IQCM: variants seen among roughly 807,000 people sequenced by gnomAD.
IQCM encodes the protein IQ domain-containing protein M.
In IQCM, 45 loss-of-function variants were observed where a neutral mutation model predicts 57.6. The ratio of observed to expected loss-of-function variants is 0.78; its 90% CI spans 0.62 to 1.00. The LOEUF is 1.00. IQCM is among the 50% of genes least tolerant of loss of function. The pLI, the probability that IQCM is intolerant of heterozygous loss-of-function variation, is 0.00. For missense variants in IQCM, 468 were observed against 511.6 expected, an observed-to-expected ratio of 0.91 and a Z score of 0.82; for synonymous variants, 148 against 158.9, an observed-to-expected ratio of 0.93 and a Z score of 0.51.
At chr4:149,592,969 A>C (rs1174435847) in intron 8 of IQCM, among the ~76,000 whole-genome samples, 1 of 152,136 alleles carries the variant, frequency 6.6e-6, no homozygotes, top group East Asian at 1.9e-4. Flanking sequence ...TGAACTTTAA[A>C]ATAGTTTTTT....
chr4:149,357,126 C>T (rs1477596018), intron 13 of IQCM, among the ~76,000 whole-genome samples: 1 of 152,154 alleles, frequency 6.6e-6, no homozygotes, highest in Non-Finnish European at 1.5e-5. Flanking sequence ...AGTTGCTTAT[C>T]AGCTTAAGGA....
intron 2 of IQCM, among the ~76,000 whole-genome samples, chr4:149,779,668 C>T (rs1157359151): frequency 6.6e-6 from 1 of 151,946 alleles, no homozygotes; most frequent in Non-Finnish European, 1.5e-5. Flanking sequence ...TCAGATAGAA[C>T]CAGTATTAAA....
intron 12 of IQCM, among the ~76,000 whole-genome samples, chr4:149,480,964 C>T (rs139174197): frequency 5.9e-5 from 9 of 152,142 alleles, no homozygotes; most frequent in African/African-American, 2.2e-4. Flanking sequence ...TGGGGTGAGA[C>T]GATATCTCAT....
chr4:149,556,650 G>A (rs1293844926), intron 10 of IQCM, among the ~76,000 whole-genome samples: 1 of 152,122 alleles, frequency 6.6e-6, no homozygotes, highest in Non-Finnish European at 1.5e-5. Context: ...CCTATACACA[G>A]TGAAATAAAA....
chr4:149,481,701 G>GTTTTGTTTTTTTTTTTTTTTTTTTTTTTT (rs1740817619), intron 12 of IQCM, among the ~76,000 whole-genome samples: 1 of 51,580 alleles, frequency 1.9e-5, no homozygotes, highest in African/African-American at 7.6e-5. Context: ...TTCCAGTTTT[G>GTTTTGTTTTTTTTTTTTTTTTTTTTTTTT]TTTTTTTTTT....
intron 13 of IQCM, among the ~76,000 whole-genome samples, chr4:149,358,848 A>G (rs1729222601): frequency 6.6e-6 from 1 of 151,566 alleles, no homozygotes; most frequent in Non-Finnish European, 1.5e-5. Context: ...AGTGGACAGT[A>G]TATCATGATA....
At chr4:149,504,415 G>T (rs1490888489) in intron 12 of IQCM, among the ~76,000 whole-genome samples, 1 of 152,054 alleles carries the variant, frequency 6.6e-6, no homozygotes, top group Non-Finnish European at 1.5e-5. Flanking sequence ...TCTAAATGGG[G>T]ATACTACAGA....
intron 2 of IQCM, among the ~76,000 whole-genome samples, chr4:149,758,379 AG>A (rs777565652): frequency 6.6e-6 from 1 of 152,212 alleles, no homozygotes; most frequent in Non-Finnish European, 1.5e-5. Flanking sequence ...TAAAACTCCT[AG>A]AAGACAACAG....
chr4:149,662,459 T>C (rs1430853982), intron 7 of IQCM, among the ~76,000 whole-genome samples: 1 of 152,010 alleles, frequency 6.6e-6, no homozygotes, highest in African/African-American at 2.4e-5. Flanking sequence ...TTAAGTCCAA[T>C]GTTTCTTTAT....
intron 12 of IQCM, among the ~76,000 whole-genome samples, chr4:149,460,541 C>T (rs990080071): frequency 6.6e-6 from 1 of 151,914 alleles, no homozygotes; most frequent in Non-Finnish European, 1.5e-5. Context: ...AATTATGTTG[C>T]CTCAGGTTAC....
intron 2 of IQCM, among the ~76,000 whole-genome samples, chr4:149,809,600 A>T (rs1185771296): frequency 6.6e-6 from 1 of 152,210 alleles, no homozygotes; most frequent in African/African-American, 2.4e-5. Context: ...TAATTTCAAA[A>T]CATAAAAGTA....
intron 12 of IQCM, among the ~76,000 whole-genome samples, chr4:149,532,078 T>G (rs1349009238): frequency 6.6e-6 from 1 of 152,040 alleles, no homozygotes; most frequent in Admixed American, 6.6e-5. Flanking sequence ...TCACTTTTGT[T>G]GGGTGACTCA....
At chr4:149,385,464 G>T (rs1731357026) in intron 13 of IQCM, among the ~76,000 whole-genome samples, 1 of 152,038 alleles carries the variant, frequency 6.6e-6, no homozygotes, top group African/African-American at 2.4e-5. Context: ...GGCTTGTTAA[G>T]GGGAAGGTGA....
chr4:149,441,041 T>C (rs1735891425), intron 12 of IQCM, among the ~76,000 whole-genome samples: 1 of 152,180 alleles, frequency 6.6e-6, no homozygotes. Context: ...ATTTTCCTAG[T>C]TAAAAGAGAC....
intron 9 of IQCM, among the ~76,000 whole-genome samples, chr4:149,577,826 C>T (rs1343168021): frequency 6.6e-6 from 1 of 151,740 alleles, no homozygotes; most frequent in Non-Finnish European, 1.5e-5. Flanking sequence ...GGCGGTATGG[C>T]CATTTTAACA....
chr4:149,683,467 A>T (rs1762335866), intron 6 of IQCM, among the ~76,000 whole-genome samples: 1 of 151,342 alleles, frequency 6.6e-6, no homozygotes. Flanking sequence ...ATAACTAATG[A>T]TACGATCTAT....
At chr4:149,589,084 T>C (rs959716820) in intron 8 of IQCM, among the ~76,000 whole-genome samples, 2 of 151,968 alleles carry the variant, frequency 1.3e-5, no homozygotes, top group Admixed American at 6.6e-5. Context: ...TTCAGTGTGG[T>C]CCAAATGTAA....
intron 12 of IQCM, among the ~76,000 whole-genome samples, chr4:149,471,874 A>T (rs1289534426): frequency 6.6e-6 from 1 of 152,218 alleles, no homozygotes; most frequent in Non-Finnish European, 1.5e-5. Flanking sequence ...CAAAAACCAC[A>T]TGATGATCTC....
At chr4:149,722,109 T>A (rs192762814) in intron 5 of IQCM, among the ~76,000 whole-genome samples, 68 of 152,208 alleles carry the variant, frequency 4.5e-4, no homozygotes, top group African/African-American at 1.6e-3. Context: ...AAATGTTTGT[T>A]CATGTGGTTT....
Sources: allele counts gnomAD v4.1 joint callset (sites outside exome capture counted in the v4.1 genomes callset), GRCh38; gene constraint gnomAD v4.1.1; transcripts MANE v1.5; gene names NCBI Gene and HGNC (gene_info 2026-07-23, HGNC 2026-07-21).